The following HIGD1A variants were observed in gnomAD, a reference collection of about 807,000 sequenced individuals.
HIGD1A encodes the protein HIG1 domain family member 1A, mitochondrial.
HIGD1A carries 8 observed loss-of-function variants against 11.3 expected under a neutral mutation model. The ratio of observed to expected loss-of-function variants is 0.71; its 90% confidence interval spans 0.42 to 1.28. The LOEUF (loss-of-function observed/expected upper bound fraction) is 1.28. HIGD1A is among the 50% of genes most tolerant of loss of function. The probability of loss-of-function intolerance (pLI) is 0.01; values close to 1 mark genes in which losing one functional copy is unlikely to be tolerated. For synonymous variants in HIGD1A, 32 were observed against 38.4 expected, an observed-to-expected ratio of 0.83 and a Z score of 0.62; for missense variants, 107 against 118.8, an observed-to-expected ratio of 0.90 and a Z score of 0.46.
At chr3:42,794,867 C>A (rs949528941) in intron 1 of HIGD1A, among the ~76,000 whole-genome samples, 8 of 152,136 alleles carry the variant, frequency 5.3e-5, no homozygotes, top group African/African-American at 1.9e-4. Flanking sequence ...AAAGATTATT[C>A]TGAATAGCCA....
At position 42,791,484 on chromosome 3, in the gene HIGD1A, C is replaced by T. The variant is rs533208938; in HGVS notation, c.97+2673G>A. Among the ~76,000 whole-genome samples the T allele has an allele frequency of 5.3e-5, 8 of 152,262 alleles. No individual in the cohort carries two copies. In the South Asian group the frequency reaches 1.7e-3, roughly 32 times the overall value. On this transcript the variant is annotated intron_variant, in intron 2 of 3. Coordinates refer to ENST00000321331, the MANE Select transcript of HIGD1A (RefSeq NM_014056.4). ...AATGACCAATACATATGAAAAGATG[C>T]TCAAAGAATGATAATATCTAGTGCT... is the stretch of plus-strand genomic sequence containing the variant.
chr3:42,796,340 A>T (rs1356585274), intron 1 of HIGD1A, among the ~76,000 whole-genome samples: 1 of 152,194 alleles, frequency 6.6e-6, no homozygotes, highest in Non-Finnish European at 1.5e-5. Context: ...TATTATATAT[A>T]AGGTTCAATA....
At chr3:42,795,359 G>A (rs1700482797) in intron 1 of HIGD1A, among the ~76,000 whole-genome samples, 1 of 151,722 alleles carries the variant, frequency 6.6e-6, no homozygotes, top group African/African-American at 2.4e-5. Flanking sequence ...CCTGGGATTA[G>A]AAGTGCCTGC....
At chr3:42,793,019 G>T (rs560129885) in intron 2 of HIGD1A, among the ~76,000 whole-genome samples, 109 of 147,904 alleles carry the variant, frequency 7.4e-4, no homozygotes, top group African/African-American at 2.5e-3. Context: ...GAATAACATA[G>T]TTAAAAACAT....
In HIGD1A at chr3:42,783,287, C is replaced by G. The variant is rs1700302348; in HGVS notation, c.*1984G>C. 6.6e-6 allele frequency among the ~76,000 whole-genome samples: 1 copy of G among 152,130 alleles called. No homozygotes were observed. The highest frequency in any genetic ancestry group is 1.5e-5 in the Non-Finnish European group (1 of 68,030). The stretch of plus-strand genomic sequence containing the variant: ...GGGCACCAGAGTGTATCAGCTAAAG[C>G]TAAGCTGACAAGTCAAAGAGAAGTA... On this transcript the variant is annotated 3_prime_UTR_variant, in exon 4 of 4. Coordinates refer to ENST00000321331, the MANE Select transcript of HIGD1A (RefSeq NM_014056.4).
rs181543348 is a variant in HIGD1A, at chr3:42,784,415, A to G, written c.*856T>C. On this transcript the variant is annotated 3_prime_UTR_variant, in exon 4 of 4. Transcript: ENST00000321331. ...GTGATAGCCTTCTGTATATTATATA[A>G]AAGTTTGGGTATACTGTCTGGCCAA... is the stretch of plus-strand genomic sequence containing the variant. 1.1e-4 allele frequency: 17 copies of G among 152,436 alleles called. No individual in the cohort carries two copies. The highest frequency in any genetic ancestry group is 1.9e-4 in the Non-Finnish European group (13 of 68,038). The allele number at this position is 152,436 out of a possible 1,614,324, so 9.4% of individuals were successfully genotyped here. A position where few individuals can be genotyped will look rare whatever the true frequency, so the allele number is the denominator to read the frequency against.
intron 1 of HIGD1A, among the ~76,000 whole-genome samples, chr3:42,795,472 TC>T (rs1331967902): frequency 1.3e-5 from 2 of 152,140 alleles, no homozygotes; most frequent in Non-Finnish European, 2.9e-5. Context: ...TCCACCTGCC[TC>T]CCAGTGTTGG....
chr3:42,791,880 A>G (rs1343788044), intron 2 of HIGD1A, among the ~76,000 whole-genome samples: 1 of 152,194 alleles, frequency 6.6e-6, no homozygotes, highest in Non-Finnish European at 1.5e-5. Context: ...TGCTCAAATT[A>G]TTTTTTACTG....
At chr3:42,791,424 A>G (rs1700420210) in intron 2 of HIGD1A, among the ~76,000 whole-genome samples, 1 of 152,232 alleles carries the variant, frequency 6.6e-6, no homozygotes, top group African/African-American at 2.4e-5. Context: ...AACAAAAGCA[A>G]AAACAAAAAA....
intron 1 of HIGD1A, among the ~76,000 whole-genome samples, chr3:42,799,550 C>T (rs9755640): frequency 0.95 from 145,091 of 152,172 alleles, 69,577 homozygotes; most frequent in East Asian, 1. Flanking sequence ...CCTCTGCCTC[C>T]GAGGTTTGAG....
chr3:42,791,634 C>G (rs753455758), intron 2 of HIGD1A, among the ~76,000 whole-genome samples: 18 of 152,136 alleles, frequency 1.2e-4, no homozygotes, highest in Non-Finnish European at 1.3e-4. Flanking sequence ...GTAAAATCAA[C>G]ATAATGGGAA....
chr3:42,787,381 G>T (rs527524221), intron 2 of HIGD1A, among the ~76,000 whole-genome samples: 40 of 151,974 alleles, frequency 2.6e-4, no homozygotes, highest in African/African-American at 9.2e-4. Context: ...GATCACCTGA[G>T]ATCAGGGGTT....
At chr3:42,804,315 G>T in intron 1 of HIGD1A, 121 bp downstream of exon 1, 2 of 912,224 alleles carry the variant, frequency 2.2e-6, no homozygotes, top group Non-Finnish European at 3.3e-6. Flanking sequence ...TCCCTCATTC[G>T]AGACACGGAC....
rs1011473339 is a variant in HIGD1A at position 42,786,218 on chromosome 3, T to C, written c.98-56A>G. 1.2e-5 allele frequency: 19 copies of C among 1,560,760 alleles called. No individual in the cohort carries two copies. In the African/African-American group the frequency reaches 2.4e-4, roughly 20 times the overall value. ...GCATGAGAAGGGACCAAGATGACTT[T>C]ACCATCAGTCAATGTACATTCTATT... On this transcript the variant is annotated intron_variant, in intron 2 of 3. Transcript: ENST00000321331.
At chr3:42,799,809 C>T (rs897606479) in intron 1 of HIGD1A, among the ~76,000 whole-genome samples, 2 of 152,062 alleles carry the variant, frequency 1.3e-5, no homozygotes, top group African/African-American at 2.4e-5. Flanking sequence ...TATAATTTTG[C>T]AATGGTGGTT....
In HIGD1A at chr3:42,786,065, C is replaced by T; in HGVS notation, c.195G>A (p.Val65=). 6 of 1,613,090 alleles carry T rather than the reference C, an allele frequency of 3.7e-6. No individual in the cohort carries two copies. The highest frequency in any genetic ancestry group is 4.2e-6 in the Non-Finnish European group (5 of 1,179,964). The change falls in exon 3 of 4, where the codon GTG becomes GTA. Residue 65 remains valine, a synonymous_variant. Transcript: ENST00000321331. ...CTCCTACAACAAAGCCTTGGGCTGC[C>T]ACACGCATGTGGATCAGATGAATGG... ...KMSIHLIHMR[V]AAQGFVVGAM...
At chr3:42,794,408 AT>A in intron 1 of HIGD1A, 133 bp from the exon 2 acceptor site, 1 of 839,870 alleles carries the variant, frequency 1.2e-6, no homozygotes, top group Non-Finnish European at 1.7e-6. Context: ...AAGTTAAAAA[AT>A]ATTTTTAGAA....
chr3:42,802,173 T>C (rs1256548823), intron 1 of HIGD1A, among the ~76,000 whole-genome samples: 3 of 152,074 alleles, frequency 2.0e-5, no homozygotes, highest in Non-Finnish European at 2.9e-5. Context: ...TTTTTTTTTT[T>C]CTCCTTTCAG....
intron 2 of HIGD1A, among the ~76,000 whole-genome samples, chr3:42,790,117 G>A (rs920674270): frequency 2.6e-5 from 4 of 152,190 alleles, no homozygotes; most frequent in African/African-American, 4.8e-5. Context: ...TGCTGTTGTT[G>A]CCTGGATATC....
Sources: allele counts gnomAD v4.1 joint callset (sites outside exome capture counted in the v4.1 genomes callset), GRCh38; gene constraint gnomAD v4.1.1; transcripts MANE v1.5; gene names NCBI Gene and HGNC (gene_info 2026-07-23, HGNC 2026-07-21).